The following SLC23A2 variants were observed in gnomAD, a reference collection of about 807,000 sequenced individuals.
The protein encoded by SLC23A2 is solute carrier family 23 member 2.
A neutral mutation model predicts 73.3 loss-of-function variants in SLC23A2; 36 were observed. That is an observed-to-expected ratio of 0.49 (90% confidence interval 0.38 to 0.65). SLC23A2 has a LOEUF of 0.65. SLC23A2 is among the 30% of genes least tolerant of loss of function. The probability of loss-of-function intolerance (pLI) is 0.00; values close to 1 mark genes in which losing one functional copy is unlikely to be tolerated. For missense variants in SLC23A2, 507 were observed against 841.6 expected (o/e 0.60, Z 4.92); for synonymous variants, 343 against 327.3 (o/e 1.05, Z -0.52).
chr20:4,896,608 C>A (rs1009697428), intron 6 of SLC23A2, among the ~76,000 whole-genome samples: 1 of 152,140 alleles, frequency 6.6e-6, no homozygotes, highest in African/African-American at 2.4e-5. Flanking sequence ...CAGGAAGGGA[C>A]CCCCAGGACG....
rs1929708103 is a variant in SLC23A2 at position 4,856,227 on chromosome 20, C to G, written c.*745G>C. On this transcript the variant is annotated 3_prime_UTR_variant, in exon 17 of 17. Coordinates refer to ENST00000338244, the MANE Select transcript of SLC23A2 (RefSeq NM_005116.6). The surrounding 1 kb of genome is among the most constrained non-coding windows in gnomAD (Gnocchi z 4.6). ...AATGCCAGAGAGGGTGTCTCGGCCACTAGTGAAATGAAAAGAGGCCAGTGT... is the reference window on the plus strand; with the variant it reads ...AATGCCAGAGAGGGTGTCTCGGCCAGTAGTGAAATGAAAAGAGGCCAGTGT... 6.6e-6 allele frequency: 1 copy of G among 152,162 alleles called. No homozygotes were observed. Among genetic ancestry groups the G allele is most frequent in the Non-Finnish European group, 1.5e-5 (1 of 68,050 alleles). The allele number at this position is 152,162 out of a possible 1,614,324, so 9.4% of individuals were successfully genotyped here. A position where few individuals can be genotyped will look rare whatever the true frequency, so the allele number is the denominator to read the frequency against.
At chr20:4,929,461 C>G (rs754473856) in intron 3 of SLC23A2, among the ~76,000 whole-genome samples, 2 of 152,098 alleles carry the variant, frequency 1.3e-5, no homozygotes, top group Non-Finnish European at 2.9e-5. Context: ...CTGGGGAAGA[C>G]AACGAGGGCT....
intron 6 of SLC23A2, among the ~76,000 whole-genome samples, chr20:4,896,724 C>G (rs775754542): frequency 3.3e-5 from 5 of 152,210 alleles, no homozygotes; most frequent in Non-Finnish European, 5.9e-5. Context: ...ATGGATGTCA[C>G]TGATCCCCTG....
At chr20:4,965,693 G>A (rs954417660) in intron 2 of SLC23A2, among the ~76,000 whole-genome samples, 3 of 151,940 alleles carry the variant, frequency 2.0e-5, no homozygotes, top group Admixed American at 6.6e-5. Flanking sequence ...TCAGCCGGGC[G>A]CGGTGGCTCA....
chr20:4,931,832 C>T (rs1255797800), intron 3 of SLC23A2, among the ~76,000 whole-genome samples: 1 of 152,184 alleles, frequency 6.6e-6, no homozygotes, highest in Non-Finnish European at 1.5e-5. Context: ...ACCACATCTC[C>T]AGTATTAAGA....
rs76584522 is a variant in SLC23A2 at position 4,891,197 on chromosome 20, T to G, written c.483-5288A>C. ...AAGCAGAAGGCCATGAGGAGGAGGATGAGCAATTCAGAGCCCAGGGAAATG... is the reference window on the plus strand; with the variant it reads ...AAGCAGAAGGCCATGAGGAGGAGGAGGAGCAATTCAGAGCCCAGGGAAATG... On this transcript the variant is annotated intron_variant, in intron 6 of 16. Coordinates refer to ENST00000338244, the MANE Select transcript of SLC23A2 (RefSeq NM_005116.6). 9.7e-3 allele frequency among the ~76,000 whole-genome samples: 1,467 copies of G among 151,896 alleles called. 26 individuals carry two copies. The highest frequency in any genetic ancestry group is 0.033 in the African/African-American group (1,377 of 41,408).
chr20:5,009,823 C>A (rs183241744), intron 1 of SLC23A2, among the ~76,000 whole-genome samples: 70 of 152,248 alleles, frequency 4.6e-4, no homozygotes, highest in African/African-American at 1.6e-3. Context: ...GGGCCAGGCG[C>A]GGTGGCTCAC....
At chr20:4,991,763 CAA>C (rs1428377513) in intron 1 of SLC23A2, among the ~76,000 whole-genome samples, 1 of 138,440 alleles carries the variant, frequency 7.2e-6, no homozygotes, top group African/African-American at 2.8e-5. Context: ...CACACACACA[CAA>C]AAGTAATCTA....
At chr20:4,942,472 A>G (rs2087058389) in intron 2 of SLC23A2, among the ~76,000 whole-genome samples, 1 of 152,200 alleles carries the variant, frequency 6.6e-6, no homozygotes, top group Admixed American at 6.5e-5. Context: ...AGGAAGTAGA[A>G]AAGTAAAATA....
rs2122755639 is a variant in SLC23A2, at chr20:4,852,396, A to G, written c.*4576T>C. 1 of 152,764 alleles carries G rather than the reference A, an allele frequency of 6.5e-6. No individual in the cohort carries two copies. Among genetic ancestry groups the G allele is most frequent in the Non-Finnish European group, 1.5e-5 (1 of 68,040 alleles). The allele number at this position is 152,764 out of a possible 1,614,324, so 9.5% of individuals were successfully genotyped here. A position where few individuals can be genotyped will look rare whatever the true frequency, so the allele number is the denominator to read the frequency against. On this transcript the variant is annotated 3_prime_UTR_variant, in exon 17 of 17. Coordinates refer to ENST00000338244, the MANE Select transcript of SLC23A2 (RefSeq NM_005116.6). This position sits in a 1 kb window ranked among gnomAD's most constrained non-coding sequence, Gnocchi z 4.3. Reference sequence around the variant, plus strand: ...GCTTTTATTTGTACGGAACAGTTTTAAAAATACAGAATAAAATAGCTTTAT... The same window carrying G: ...GCTTTTATTTGTACGGAACAGTTTTGAAAATACAGAATAAAATAGCTTTAT...
intron 1 of SLC23A2, among the ~76,000 whole-genome samples, chr20:4,987,773 T>G (rs926183045): frequency 8.6e-5 from 13 of 150,772 alleles, no homozygotes; most frequent in South Asian, 8.4e-4. Flanking sequence ...GCGTGAACTC[T>G]GGAGGCGGAG....
chr20:4,986,354 C>G (rs1039738597), intron 1 of SLC23A2, among the ~76,000 whole-genome samples: 5 of 151,950 alleles, frequency 3.3e-5, no homozygotes, highest in Non-Finnish European at 5.9e-5. Context: ...TATTTTTTTG[C>G]CCAAGCTGGA....
chr20:4,866,831 G>C (rs1461561573), intron 13 of SLC23A2, among the ~76,000 whole-genome samples: 1 of 152,122 alleles, frequency 6.6e-6, no homozygotes, highest in African/African-American at 2.4e-5. Flanking sequence ...ACCAGTTCTA[G>C]AAGGTTTCCG....
chr20:4,870,330 G>A (rs1378641177), intron 11 of SLC23A2, among the ~76,000 whole-genome samples: 1 of 152,182 alleles, frequency 6.6e-6, no homozygotes, highest in Non-Finnish European at 1.5e-5. Context: ...TGTAATCCCA[G>A]CACTTTGGGA....
At chr20:4,892,546 A>T (rs574249291) in intron 6 of SLC23A2, among the ~76,000 whole-genome samples, 1 of 152,136 alleles carries the variant, frequency 6.6e-6, no homozygotes, top group Admixed American at 6.5e-5. Context: ...ATGGTAACAA[A>T]TTTTTTTATT....
chr20:4,960,540 G>C (rs1471655365), intron 2 of SLC23A2, among the ~76,000 whole-genome samples: 4 of 152,214 alleles, frequency 2.6e-5, no homozygotes, highest in Admixed American at 6.5e-5. Context: ...ACGAACTCTA[G>C]CTACTTGGAC....
upstream of SLC23A2, among the ~76,000 whole-genome samples, chr20:5,002,214 G>A (rs1332046733): frequency 6.6e-6 from 1 of 152,160 alleles, no homozygotes; most frequent in Non-Finnish European, 1.5e-5. Context: ...GAGCTGGGCA[G>A]CCTCACTTTG....
At chr20:4,860,892 T>C (rs1265114925) in intron 15 of SLC23A2, among the ~76,000 whole-genome samples, 1 of 152,036 alleles carries the variant, frequency 6.6e-6, no homozygotes, top group African/African-American at 2.4e-5. Flanking sequence ...AATACAAAAA[T>C]TGACCGGGTG....
intron 1 of SLC23A2, among the ~76,000 whole-genome samples, chr20:4,975,170 G>A (rs914830872): frequency 6.6e-6 from 1 of 152,144 alleles, no homozygotes; most frequent in Non-Finnish European, 1.5e-5. Context: ...AAAGGTGCTA[G>A]GCCCAGACAA....
Sources: gnomAD v4.1 joint callset for allele counts (sites outside exome capture counted in the v4.1 genomes callset) on GRCh38, gnomAD v4.1.1 for gene constraint, Gnocchi (gnomAD v3.1) non-coding constraint, MANE v1.5 for transcripts, NCBI Gene and HGNC (gene_info 2026-07-23, HGNC 2026-07-21) for gene names.